The following ASAP1 variants were observed in gnomAD, a reference collection of about 807,000 sequenced individuals.
The protein encoded by ASAP1 is ArfGAP with SH3 domain, ankyrin repeat and PH domain 1.
Under a neutral mutation model 145.2 loss-of-function variants are expected in ASAP1, and 43 were observed. The ratio of observed to expected loss-of-function variants is 0.30; its 90% CI spans 0.23 to 0.38. The LOEUF (loss-of-function observed/expected upper bound fraction) is 0.38, where lower values mean the gene tolerates loss of function less well. ASAP1 is among the 10% of genes least tolerant of loss of function. The probability of loss-of-function intolerance (pLI) is 1.00; values close to 1 mark genes in which losing one functional copy is unlikely to be tolerated. For missense variants in ASAP1, 1,018 were observed against 1,355.3 expected, an observed-to-expected ratio of 0.75 and a Z score of 3.91; for synonymous variants, 546 against 515.5, an observed-to-expected ratio of 1.06 and a Z score of -0.80.
intron 27 of ASAP1, among the ~76,000 whole-genome samples, chr8:130,070,089 T>C (rs1252520720): frequency 6.6e-6 from 1 of 152,118 alleles, no homozygotes; most frequent in African/African-American, 2.4e-5. Flanking sequence ...CAGGCTGGAG[T>C]GCAGTGGCGC....
chr8:130,123,041 A>G (rs1592852710), intron 18 of ASAP1, among the ~76,000 whole-genome samples: 1 of 152,212 alleles, frequency 6.6e-6, no homozygotes, highest in East Asian at 1.9e-4. Context: ...TAACTTTTGA[A>G]AAGCCTTTTC....
intron 3 of ASAP1, among the ~76,000 whole-genome samples, chr8:130,245,618 A>G (rs981233976): frequency 1.7e-4 from 26 of 152,216 alleles, no homozygotes; most frequent in Non-Finnish European, 3.8e-4. Flanking sequence ...CTAGCTCGCA[A>G]AAGTCTGCTC....
intron 15 of ASAP1, among the ~76,000 whole-genome samples, chr8:130,133,549 G>C (rs890316330): frequency 6.6e-6 from 1 of 152,002 alleles, no homozygotes; most frequent in Admixed American, 6.5e-5. Flanking sequence ...CCAGCTACTC[G>C]GGAGGCTGAG....
intron 10 of ASAP1, 46 bp from the exon 11 acceptor site, chr8:130,167,668 C>T (rs955412833): frequency 4.3e-6 from 6 of 1,381,246 alleles, no homozygotes; most frequent in African/African-American, 2.9e-5. Context: ...TACACTTTCA[C>T]AGGCAGAGTT....
At chr8:130,205,322 C>A (rs1470500103) in intron 5 of ASAP1, among the ~76,000 whole-genome samples, 3 of 150,242 alleles carry the variant, frequency 2.0e-5, no homozygotes, top group Non-Finnish European at 2.9e-5. Flanking sequence ...AAAATGCAAT[C>A]CTATTTAAAA....
intron 4 of ASAP1, among the ~76,000 whole-genome samples, chr8:130,220,891 A>G (rs1476799722): frequency 1.3e-5 from 2 of 152,034 alleles, no homozygotes; most frequent in Non-Finnish European, 2.9e-5. Flanking sequence ...TCCCCACAAA[A>G]CCATCAGATC....
intron 2 of ASAP1, among the ~76,000 whole-genome samples, chr8:130,382,869 T>C (rs1827845449): frequency 6.6e-6 from 1 of 151,438 alleles, no homozygotes; most frequent in African/African-American, 2.4e-5. Flanking sequence ...AGAAAAGCAA[T>C]TAATGATAGG....
chr8:130,118,286 G>T lies in ASAP1; in HGVS notation c.1795-40C>A, dbSNP rs368012457. The T allele has an allele frequency of 6.9e-6, 11 of 1,586,970 alleles. No homozygotes were observed. The African/African-American group carries it at 1.2e-4, about 17-fold the overall frequency. On this transcript the variant is annotated intron_variant, in intron 19 of 29. Coordinates refer to ENST00000518721, the MANE Select transcript of ASAP1 (RefSeq NM_018482.4). ...AAAAGTATAAGTAAGTCAATAATAT[G>T]CTCTGCCAAGGGAGGCTTCATATAT...
chr8:130,072,825 G>GTGTGCGTGTGCGCGCGCGCGCGCA, intron 27 of ASAP1, among the ~76,000 whole-genome samples: 2,827 of 54,078 alleles, frequency 0.052, 229 homozygotes, highest in Middle Eastern at 0.12. Context: ...GTGTGTGTGT[G>GTGTGCGTGTGCGCGCGCGCGCGCA]CGCGCGGGGG....
intron 11 of ASAP1, chr8:130,160,701 C>A: frequency 2.2e-6 from 2 of 922,756 alleles, no homozygotes; most frequent in East Asian, 7.4e-5. Flanking sequence ...GAAATAAAAT[C>A]AACAACGTTG....
chr8:130,364,347 A>G (rs1369840664), intron 2 of ASAP1, among the ~76,000 whole-genome samples: 1 of 152,206 alleles, frequency 6.6e-6, no homozygotes, highest in African/African-American at 2.4e-5. Context: ...TGCGCCCTGT[A>G]TTATCCTGAG....
intron 2 of ASAP1, among the ~76,000 whole-genome samples, chr8:130,370,574 T>C (rs1203879533): frequency 6.6e-6 from 1 of 152,160 alleles, no homozygotes; most frequent in East Asian, 1.9e-4. Flanking sequence ...AATGAAAACA[T>C]ATGTGCACAT....
chr8:130,132,393 A>G (rs1391698135), intron 15 of ASAP1, among the ~76,000 whole-genome samples: 1 of 149,236 alleles, frequency 6.7e-6, no homozygotes. Context: ...CTCTATACCC[A>G]TAACAACAAG....
At chr8:130,271,579 C>A (rs932980990) in intron 3 of ASAP1, among the ~76,000 whole-genome samples, 29 of 152,222 alleles carry the variant, frequency 1.9e-4, no homozygotes, top group African/African-American at 6.8e-4. Context: ...CACCTACCAA[C>A]CTGCATCTCC....
intron 2 of ASAP1, among the ~76,000 whole-genome samples, chr8:130,365,031 A>G (rs1022774099): frequency 7.2e-5 from 11 of 152,216 alleles, no homozygotes; most frequent in African/African-American, 2.7e-4. Flanking sequence ...GCAAAGTCCC[A>G]GACTATCAAT....
chr8:130,113,926 C>T (rs939757135), intron 23 of ASAP1, among the ~76,000 whole-genome samples: 4 of 151,952 alleles, frequency 2.6e-5, no homozygotes, highest in African/African-American at 4.8e-5. Flanking sequence ...GGACCACAGG[C>T]GCACACCACC....
At chr8:130,302,531 G>A (rs1822742044) in intron 3 of ASAP1, among the ~76,000 whole-genome samples, 1 of 152,176 alleles carries the variant, frequency 6.6e-6, no homozygotes, top group African/African-American at 2.4e-5. Flanking sequence ...GAGAGGGCAG[G>A]CCTCTAATGG....
At chr8:130,199,456 A>T (rs569054846) in intron 5 of ASAP1, among the ~76,000 whole-genome samples, 17 of 152,220 alleles carry the variant, frequency 1.1e-4, no homozygotes, top group Non-Finnish European at 2.5e-4. Flanking sequence ...GGGACAGAAG[A>T]GTTAGAACTG....
At chr8:130,330,035 C>T (rs1447151972) in intron 3 of ASAP1, among the ~76,000 whole-genome samples, 4 of 152,196 alleles carry the variant, frequency 2.6e-5, no homozygotes, top group Non-Finnish European at 5.9e-5. Context: ...AATCTAATTC[C>T]TCAATTTGTC....
Sources: gnomAD v4.1 joint callset for allele counts (sites outside exome capture counted in the v4.1 genomes callset) on GRCh38, gnomAD v4.1.1 for gene constraint, MANE v1.5 for transcripts, NCBI Gene and HGNC (gene_info 2026-07-23, HGNC 2026-07-21) for gene names.